BRD1: variants seen among roughly 807,000 people sequenced by gnomAD.
BRD1 encodes bromodomain containing 1.
A neutral mutation model predicts 107.7 loss-of-function variants in BRD1; 24 were observed. The observed-to-expected ratio is 0.22, with a 90% CI of 0.16 to 0.31. The LOEUF (loss-of-function observed/expected upper bound fraction) is 0.31. BRD1 is among the 10% of genes least tolerant of loss of function. The pLI, the probability that BRD1 is intolerant of heterozygous loss-of-function variation, is 1.00. For missense variants in BRD1, 1,279 were observed against 1,638.6 expected, an observed-to-expected ratio of 0.78 and a Z score of 3.79; for synonymous variants, 744 against 686.1, an observed-to-expected ratio of 1.08 and a Z score of -1.32.
Position 49,775,682 on chromosome 22 carries a change from G to A in BRD1, c.3295C>T (p.Pro1099Ser), listed in dbSNP as rs1301459361. 2.5e-6 allele frequency: 4 copies of A among 1,613,800 alleles called. No individual in the cohort carries two copies. The highest frequency in any genetic ancestry group is 2.5e-6 in the Non-Finnish European group (3 of 1,179,868). Residue 1099 changes from proline to serine, a missense_variant, in exon 12 of 13, where the codon CCC becomes TCC. Physicochemically the swap from Pro to Ser is moderately conservative, Grantham distance 74. Around this residue, in one of 7 missense-constraint regions of BRD1, gnomAD observed 136 missense variants for 196.8 expected, o/e 0.69. Transcript: ENST00000404760. The stretch of plus-strand genomic sequence containing the variant: ...TCCCCAATCTTCAGCACGTCCAGGG[G>A]TGGGGCCGGGATGGTGACGCCGTTG... ...HHNGVTIPAP[P>S]LDVLKIGEHM...
intron 1 of BRD1, chr22:49,825,667 G>T (rs984880587): frequency 6.6e-6 from 1 of 152,300 alleles, no homozygotes; most frequent in Admixed American, 6.5e-5. Flanking sequence ...ATCTAGCCCT[G>T]CCACGTCAGG....
intron 5 of BRD1, 56 bp downstream of exon 5, chr22:49,798,502 A>G: frequency 6.2e-7 from 1 of 1,613,918 alleles, no homozygotes; most frequent in Non-Finnish European, 8.5e-7. Flanking sequence ...GTCAAACGGC[A>G]GCACAAATCC....
intron 2 of BRD1, among the ~76,000 whole-genome samples, chr22:49,822,074 C>T (rs1445556612): frequency 1.3e-5 from 2 of 152,250 alleles, no homozygotes; most frequent in African/African-American, 4.8e-5. Flanking sequence ...GAAAGTCATA[C>T]AGAGTTCCTG....
intron 7 of BRD1, among the ~76,000 whole-genome samples, chr22:49,788,627 G>A (rs1005109013): frequency 6.6e-6 from 1 of 152,188 alleles, no homozygotes; most frequent in African/African-American, 2.4e-5. Context: ...TCAGGAGGAC[G>A]GCCTGGGGCT....
Position 49,803,519 on chromosome 22 carries a change from C to A in BRD1, c.1524+685G>T, listed in dbSNP as rs1413018482. Among the ~76,000 whole-genome samples the A allele has an allele frequency of 6.6e-6, 1 of 152,212 alleles. No individual in the cohort carries two copies. Among genetic ancestry groups the A allele is most frequent in the Non-Finnish European group, 1.5e-5 (1 of 68,040 alleles). On this transcript the variant is annotated intron_variant, in intron 3 of 12. Coordinates refer to ENST00000404760, the MANE Select transcript of BRD1 (RefSeq NM_001304808.3). This position sits in a 1 kb window ranked among gnomAD's most constrained non-coding sequence, Gnocchi z 4.4. The stretch of plus-strand genomic sequence containing the variant: ...GCTTGTGTTTTCAATTACTTTTGTG[C>A]ATCTCACAGAAGCTACTTCACTCTG...
chr22:49,785,409 C>T (rs914086712), intron 8 of BRD1, among the ~76,000 whole-genome samples: 11 of 152,250 alleles, frequency 7.2e-5, no homozygotes, highest in African/African-American at 2.7e-4. Flanking sequence ...GAGCGTCAGC[C>T]GAACTCCAAG....
intron 2 of BRD1, among the ~76,000 whole-genome samples, chr22:49,819,123 C>T (rs1305697026): frequency 2.7e-5 from 4 of 150,640 alleles, no homozygotes; most frequent in Non-Finnish European, 4.4e-5. Context: ...AGCCAGACAC[C>T]GTGGCACACA....
chr22:49,777,544 C>T lies in BRD1; in HGVS notation c.2993+134G>A, dbSNP rs1170461270. On this transcript the variant is annotated intron_variant, in intron 9 of 12. Transcript: ENST00000404760. The stretch of plus-strand genomic sequence containing the variant: ...GGAAACTGTCCACAAGGGCAGAGCA[C>T]ACATGAATCCCAGGCCAGAATTTTT... 3.2e-6 allele frequency: 4 copies of T among 1,239,878 alleles called. No individual in the cohort carries two copies. In the African/African-American group the frequency reaches 4.5e-5, roughly 14 times the overall value. The allele number at this position is 1,239,878 out of a possible 1,614,324, so 76.8% of individuals were successfully genotyped here.
intron 1 of BRD1, chr22:49,826,034 G>A (rs757232811): frequency 2.1e-5 from 7 of 339,554 alleles, no homozygotes; most frequent in Non-Finnish European, 2.9e-5. Context: ...CCCCCCAGCC[G>A]GCCCCGTGAG....
intron 11 of BRD1, 74 bp from the exon 12 acceptor site, chr22:49,775,819 C>CCCCCCCCCCCCCCCCCCCCCTCAGAACT: frequency 1.6e-6 from 2 of 1,256,954 alleles, no homozygotes; most frequent in East Asian, 5.9e-5. Flanking sequence ...ACTGGCACCC[C>CCCCCCCCCCCCCCCCCCCCCTCAGAACT]CCCCCGCCTC....
intron 7 of BRD1, 95 bp downstream of exon 7, chr22:49,793,939 C>G: frequency 6.7e-7 from 1 of 1,501,468 alleles, no homozygotes; most frequent in East Asian, 2.3e-5. Context: ...CCGTGCACAC[C>G]AACGCTGCTG....
chr22:49,810,032 C>A (rs1169257459), intron 2 of BRD1, among the ~76,000 whole-genome samples: 1 of 152,176 alleles, frequency 6.6e-6, no homozygotes. Flanking sequence ...AAAGTCTCAA[C>A]AAGCATCAAA....
intron 8 of BRD1, among the ~76,000 whole-genome samples, chr22:49,786,103 G>A (rs991011910): frequency 6.7e-6 from 1 of 149,592 alleles, no homozygotes; most frequent in Admixed American, 6.6e-5. Flanking sequence ...AAGTGCACGA[G>A]GCACCACGGC....
At chr22:49,822,841 C>T in intron 2 of BRD1, 110 bp downstream of exon 2, 1 of 1,310,440 alleles carries the variant, frequency 7.6e-7, no homozygotes. Context: ...GAAGCTGCGC[C>T]AACTAGAAAC....
chr22:49,804,905 T>C (rs376964117), intron 2 of BRD1, among the ~76,000 whole-genome samples: 1 of 152,140 alleles, frequency 6.6e-6, no homozygotes, highest in South Asian at 2.1e-4. Flanking sequence ...CTACAACATT[T>C]ATCAGATTGA....
intron 8 of BRD1, among the ~76,000 whole-genome samples, chr22:49,784,618 C>T (rs1323622671): frequency 6.6e-6 from 1 of 152,240 alleles, no homozygotes; most frequent in African/African-American, 2.4e-5. Flanking sequence ...CTGGAAAATG[C>T]CAGATAACTC....
chr22:49,789,719 G>A (rs546297154), intron 7 of BRD1, among the ~76,000 whole-genome samples: 144 of 152,178 alleles, frequency 9.5e-4, no homozygotes, highest in Non-Finnish European at 1.6e-3. Flanking sequence ...GCTATCTAAC[G>A]GGCACCGTAA....
At chr22:49,811,134 C>CA (rs969127119) in intron 2 of BRD1, among the ~76,000 whole-genome samples, 22 of 151,040 alleles carry the variant, frequency 1.5e-4, no homozygotes, top group South Asian at 8.4e-4. Flanking sequence ...AGTGAAAGAA[C>CA]AAAAAAAACA....
chr22:49,784,238 G>A (rs1212667138), intron 8 of BRD1, among the ~76,000 whole-genome samples: 7 of 147,664 alleles, frequency 4.7e-5, no homozygotes, highest in South Asian at 2.2e-4. Flanking sequence ...AGACACCCCC[G>A]CGCTCTCACG....
Sources: allele counts gnomAD v4.1 joint callset (sites outside exome capture counted in the v4.1 genomes callset), GRCh38; gene constraint gnomAD v4.1.1; regional missense constraint gnomAD v4.1.1; non-coding constraint Gnocchi (gnomAD v3.1); transcripts MANE v1.5; gene names NCBI Gene and HGNC (gene_info 2026-07-23, HGNC 2026-07-21).